Variants in CALD1 observed in about 807,000 individuals in gnomAD.
CALD1 encodes caldesmon.
CALD1 carries 33 observed loss-of-function variants against 99.9 expected under a neutral mutation model. That is an observed-to-expected ratio of 0.33 (90% CI 0.25 to 0.44). CALD1 has a LOEUF of 0.44. Among genes scored for constraint, CALD1 ranks in the 20% least tolerant of loss-of-function variants. The probability of loss-of-function intolerance (pLI) is 1.00; values close to 1 mark genes in which losing one functional copy is unlikely to be tolerated. For synonymous variants in CALD1, 310 were observed against 325.0 expected (o/e 0.95, Z 0.50); for missense variants, 861 against 962.1 (o/e 0.89, Z 1.39).
intron 1 of CALD1, among the ~76,000 whole-genome samples, chr7:134,833,772 G>A (rs939798774): frequency 6.6e-6 from 1 of 152,190 alleles, no homozygotes; most frequent in Non-Finnish European, 1.5e-5. Flanking sequence ...CCCTCTGAGA[G>A]CAGTGACCTT....
intron 3 of CALD1, among the ~76,000 whole-genome samples, chr7:134,872,806 A>C (rs996826991): frequency 6.6e-5 from 10 of 152,208 alleles, no homozygotes; most frequent in South Asian, 2.1e-4. Flanking sequence ...TTTTAAAAGC[A>C]ATTACTCATT....
intron 1 of CALD1, among the ~76,000 whole-genome samples, chr7:134,785,350 A>C (rs953720929): frequency 4.6e-5 from 7 of 152,230 alleles, no homozygotes; most frequent in Non-Finnish European, 7.3e-5. Context: ...TTGGCAAGAA[A>C]CTTCATATGA....
At chr7:134,811,659 A>G (rs3778849) in intron 1 of CALD1, among the ~76,000 whole-genome samples, 60,458 of 151,988 alleles carry the variant, frequency 0.4, 12,659 homozygotes, top group East Asian at 0.67. Flanking sequence ...AAACAAAACT[A>G]TTTACAAGCG....
the CALD1 span, among the ~76,000 whole-genome samples, chr7:134,738,218 C>T: frequency 1.2e-4 from 19 of 152,284 alleles, no homozygotes; most frequent in Admixed American, 2.6e-4. Context: ...TCCAATTCTG[C>T]GGGAAATGGA....
chr7:134,723,061 C>T, the CALD1 span, among the ~76,000 whole-genome samples: 1 of 152,142 alleles, frequency 6.6e-6, no homozygotes, highest in Non-Finnish European at 1.5e-5. Flanking sequence ...GGATTGGTTT[C>T]TAATATTAAC....
intron 1 of CALD1, among the ~76,000 whole-genome samples, chr7:134,843,205 T>C (rs2132160870): frequency 6.6e-6 from 1 of 152,324 alleles, no homozygotes; most frequent in Non-Finnish European, 1.5e-5. Context: ...AGCCAGCATC[T>C]GTGTGTCGGG....
intron 8 of CALD1, among the ~76,000 whole-genome samples, chr7:134,949,619 C>T (rs548830586): frequency 1.9e-4 from 29 of 152,178 alleles, no homozygotes; most frequent in African/African-American, 6.7e-4. Context: ...AATATAGTAC[C>T]ACAGATTTAG....
intron 1 of CALD1, among the ~76,000 whole-genome samples, chr7:134,763,175 G>A (rs1340235624): frequency 6.6e-6 from 1 of 152,088 alleles, no homozygotes; most frequent in Non-Finnish European, 1.5e-5. Flanking sequence ...AAACTTCCCA[G>A]AAATTAACTA....
chr7:134,789,294 C>A (rs1797429644), intron 1 of CALD1, among the ~76,000 whole-genome samples: 1 of 152,182 alleles, frequency 6.6e-6, no homozygotes, highest in Admixed American at 6.5e-5. Flanking sequence ...TAGTAAGTAG[C>A]TGGGTCAGGA....
At chr7:134,733,249 C>T in the CALD1 span, among the ~76,000 whole-genome samples, 5 of 152,278 alleles carry the variant, frequency 3.3e-5, no homozygotes, top group Admixed American at 6.5e-5. Flanking sequence ...CAAGAGCAAA[C>T]GGCAGAGGGG....
At chr7:134,809,873 G>GA (rs968852389) in intron 1 of CALD1, among the ~76,000 whole-genome samples, 2 of 151,956 alleles carry the variant, frequency 1.3e-5, no homozygotes, top group Non-Finnish European at 2.9e-5. Context: ...TTCATTGCTA[G>GA]AAAAAAAATT....
At chr7:134,895,692 T>C (rs1802525892) in intron 3 of CALD1, among the ~76,000 whole-genome samples, 1 of 152,198 alleles carries the variant, frequency 6.6e-6, no homozygotes, top group South Asian at 2.1e-4. Flanking sequence ...CCTTCTCTCC[T>C]ACAAAGTAAT....
chr7:134,726,357 T>A, the CALD1 span, among the ~76,000 whole-genome samples: 3 of 147,534 alleles, frequency 2.0e-5, no homozygotes, highest in Non-Finnish European at 3.0e-5. Context: ...CTTTATATAT[T>A]ATATGTATAT....
At chr7:134,779,468 T>C, upstream of CALD1, 4 of 387,202 alleles carry the variant, frequency 1.0e-5, no homozygotes, top group Non-Finnish European at 1.8e-5. Context: ...ACAGGCAGGC[T>C]GCATCCACCT....
intron 1 of CALD1, among the ~76,000 whole-genome samples, chr7:134,835,323 C>A (rs975931995): frequency 6.6e-6 from 1 of 152,170 alleles, no homozygotes; most frequent in African/African-American, 2.4e-5. Flanking sequence ...TTAGGTCTTA[C>A]TGCACAGCTC....
intron 3 of CALD1, among the ~76,000 whole-genome samples, chr7:134,870,108 C>A (rs972656123): frequency 1.3e-5 from 2 of 152,130 alleles, no homozygotes. Flanking sequence ...TTTAAGTGTG[C>A]CAGGATGGGA....
intron 3 of CALD1, among the ~76,000 whole-genome samples, chr7:134,911,772 T>C (rs866564686): frequency 1.3e-5 from 2 of 152,256 alleles, no homozygotes; most frequent in South Asian, 2.1e-4. Context: ...CTAAAAATAC[T>C]TATTAAATCC....
the CALD1 span, among the ~76,000 whole-genome samples, chr7:134,717,114 C>T: frequency 6.6e-6 from 1 of 152,138 alleles, no homozygotes; most frequent in African/African-American, 2.4e-5. Context: ...CGTCTCTTTC[C>T]CCCACCTCAA....
intron 3 of CALD1, among the ~76,000 whole-genome samples, chr7:134,916,940 C>T (rs1293907575): frequency 6.6e-6 from 1 of 152,192 alleles, no homozygotes; most frequent in Admixed American, 6.5e-5. Context: ...ATTTCTCTTT[C>T]TAGGTGATTG....
Sources: gnomAD v4.1 joint callset for allele counts (sites outside exome capture counted in the v4.1 genomes callset) on GRCh38, gnomAD v4.1.1 for gene constraint, MANE v1.5 for transcripts, NCBI Gene and HGNC (gene_info 2026-07-23, HGNC 2026-07-21) for gene names.